Variants in UBE2D2 observed in about 807,000 individuals in gnomAD.
UBE2D2 encodes the protein ubiquitin-conjugating enzyme E2 D2.
Under a neutral mutation model 24.2 loss-of-function variants are expected in UBE2D2, and 2 were observed. The observed-to-expected ratio is 0.08, with a 90% CI of 0.03 to 0.26. UBE2D2 has a LOEUF of 0.26. UBE2D2 is among the 10% of genes least tolerant of loss of function. The pLI is 1.00. For synonymous variants in UBE2D2, 58 were observed against 56.5 expected (o/e 1.03, Z -0.12); for missense variants, 44 against 177.6 (o/e 0.25, Z 4.28).
At chr5:139,599,072 A>ACATGCACC (rs1381974282) in intron 1 of UBE2D2, among the ~76,000 whole-genome samples, 1 of 151,328 alleles carries the variant, frequency 6.6e-6, no homozygotes, top group Non-Finnish European at 1.5e-5. Context: ...GGGACTATAG[A>ACATGCACC]CATGCACCCA....
chr5:139,532,191 G>A (rs1337443301), intron 1 of UBE2D2, among the ~76,000 whole-genome samples: 4 of 149,124 alleles, frequency 2.7e-5, no homozygotes, highest in East Asian at 1.9e-4. Context: ...TTTTTTTTGG[G>A]GGGGACAGAG....
intron 1 of UBE2D2, among the ~76,000 whole-genome samples, chr5:139,596,273 G>C (rs907541283): frequency 6.6e-6 from 1 of 150,552 alleles, no homozygotes; most frequent in African/African-American, 2.4e-5. Context: ...AAAAAGATCT[G>C]TTTCTGAATC....
At chr5:139,582,785 C>G (rs1332853632) in intron 1 of UBE2D2, among the ~76,000 whole-genome samples, 1 of 150,678 alleles carries the variant, frequency 6.6e-6, no homozygotes, top group Non-Finnish European at 1.5e-5. Flanking sequence ...ATTCTCCAGC[C>G]TCAGCCTCCC....
intron 1 of UBE2D2, among the ~76,000 whole-genome samples, chr5:139,586,051 C>T (rs1691497323): frequency 1.3e-5 from 2 of 151,190 alleles, no homozygotes; most frequent in Non-Finnish European, 2.9e-5. Flanking sequence ...AAAGGAGGCC[C>T]ATAGAGAATA....
chr5:139,608,536 C>T (rs1328450448), intron 2 of UBE2D2, among the ~76,000 whole-genome samples: 1 of 152,056 alleles, frequency 6.6e-6, no homozygotes, highest in Non-Finnish European at 1.5e-5. Flanking sequence ...AGGCAGATCG[C>T]TTGAGCCCAG....
chr5:139,611,439 C>G (rs960098753), intron 2 of UBE2D2, among the ~76,000 whole-genome samples: 3 of 151,962 alleles, frequency 2.0e-5, no homozygotes, highest in Non-Finnish European at 4.4e-5. Context: ...CCACCTGCCT[C>G]GGCCTCCCAA....
intron 1 of UBE2D2, among the ~76,000 whole-genome samples, chr5:139,547,692 ATTTATTTT>A (rs1314029802): frequency 6.9e-4 from 104 of 149,786 alleles, no homozygotes; most frequent in Non-Finnish European, 1.4e-3. Flanking sequence ...ATTTTATTTT[ATTTATTTT>A]TTTATTTTTT....
intron 1 of UBE2D2, among the ~76,000 whole-genome samples, chr5:139,580,192 C>T (rs921519610): frequency 2.0e-5 from 3 of 152,032 alleles, no homozygotes; most frequent in Non-Finnish European, 4.4e-5. Flanking sequence ...TTCCTGGGCT[C>T]AGGTGATTCT....
upstream of UBE2D2, among the ~76,000 whole-genome samples, chr5:139,559,149 G>A (rs911938141): frequency 1.3e-5 from 2 of 152,022 alleles, no homozygotes; most frequent in African/African-American, 2.4e-5. Context: ...TCTGTCGGCC[G>A]GGCGCGGTGG....
intron 1 of UBE2D2, among the ~76,000 whole-genome samples, chr5:139,532,553 A>AT (rs1752610264): frequency 6.6e-6 from 1 of 151,912 alleles, no homozygotes; most frequent in Admixed American, 6.6e-5. Flanking sequence ...GAGTTTCACC[A>AT]TATTAGCCAG....
chr5:139,574,245 A>C (rs1439081330), intron 1 of UBE2D2, among the ~76,000 whole-genome samples: 1 of 143,872 alleles, frequency 7.0e-6, no homozygotes, highest in African/African-American at 2.6e-5. Flanking sequence ...TGCACACTGC[A>C]CTCCAGCCTG....
At chr5:139,615,945 C>T (rs1269270816) in intron 5 of UBE2D2, among the ~76,000 whole-genome samples, 1 of 148,094 alleles carries the variant, frequency 6.8e-6, no homozygotes. Flanking sequence ...AAGCAATTCT[C>T]CTGCCTCAGC....
intron 6 of UBE2D2, among the ~76,000 whole-genome samples, chr5:139,626,454 GAATT>G (rs1428040753): frequency 2.6e-5 from 4 of 152,170 alleles, no homozygotes; most frequent in African/African-American, 4.8e-5. Flanking sequence ...TTAAATGAAT[GAATT>G]GAGTGGACAT....
intron 1 of UBE2D2, among the ~76,000 whole-genome samples, chr5:139,597,128 G>A (rs987816429): frequency 2.0e-5 from 3 of 151,644 alleles, no homozygotes; most frequent in Non-Finnish European, 4.4e-5. Flanking sequence ...TTTGAGTTTT[G>A]ACAAATATAG....
chr5:139,577,204 T>A (rs1051038807), intron 1 of UBE2D2, among the ~76,000 whole-genome samples: 15 of 151,976 alleles, frequency 9.9e-5, no homozygotes, highest in Non-Finnish European at 2.9e-5. Context: ...TTTGAAAGAG[T>A]AAAGTCCATG....
intron 6 of UBE2D2, among the ~76,000 whole-genome samples, chr5:139,625,899 C>G (rs1754617229): frequency 6.6e-6 from 1 of 152,106 alleles, no homozygotes; most frequent in Non-Finnish European, 1.5e-5. Context: ...GCCACCACAC[C>G]CGGCCTAGCA....
At position 139,598,278 on chromosome 5, in the gene UBE2D2, G is replaced by C. The variant is rs75975390; in HGVS notation, c.25-2094G>C. Among the ~76,000 whole-genome samples, 946 of 152,116 alleles carry C rather than the reference G, an allele frequency of 6.2e-3. 15 individuals carry two copies. Among genetic ancestry groups the C allele is most frequent in the African/African-American group, 0.02 (814 of 41,518 alleles). On this transcript the variant is annotated intron_variant, in intron 1 of 6. Coordinates refer to ENST00000398733, the MANE Select transcript of UBE2D2 (RefSeq NM_003339.3). ...GATGAAACGACATAAGAGTCTAAAT[G>C]GTTTTGGATTTAAAAAATCTTAGAC...
intron 5 of UBE2D2, among the ~76,000 whole-genome samples, chr5:139,622,426 G>C (rs1349931695): frequency 6.6e-6 from 1 of 150,614 alleles, no homozygotes; most frequent in Non-Finnish European, 1.5e-5. Context: ...TGTATTTTTA[G>C]TAGAGATGGG....
intron 1 of UBE2D2, among the ~76,000 whole-genome samples, chr5:139,600,034 G>A (rs1754040210): frequency 6.6e-6 from 1 of 151,992 alleles, no homozygotes; most frequent in Non-Finnish European, 1.5e-5. Flanking sequence ...CTGACCTCAA[G>A]TGATCTGCCC....
Sources: allele counts gnomAD v4.1 joint callset (sites outside exome capture counted in the v4.1 genomes callset), GRCh38; gene constraint gnomAD v4.1.1; transcripts MANE v1.5; gene names NCBI Gene and HGNC (gene_info 2026-07-23, HGNC 2026-07-21).